Variants in ADAMTSL3 observed in about 807,000 individuals in gnomAD.
The protein encoded by ADAMTSL3 is ADAMTS-like protein 3.
A neutral mutation model predicts 201.7 loss-of-function variants in ADAMTSL3; 128 were observed. The ratio of observed to expected loss-of-function variants is 0.63; its 90% confidence interval spans 0.55 to 0.73. ADAMTSL3 has a LOEUF of 0.73. Among genes scored for constraint, ADAMTSL3 ranks in the 30% least tolerant of loss-of-function variants. The pLI, the probability that ADAMTSL3 is intolerant of heterozygous loss-of-function variation, is 0.00. For missense variants in ADAMTSL3, 1,990 were observed against 2,119.6 expected (o/e 0.94, Z 1.20); for synonymous variants, 738 against 748.4 (o/e 0.99, Z 0.23).
At chr15:83,898,633 A>G (rs2065664195) in intron 14 of ADAMTSL3, among the ~76,000 whole-genome samples, 1 of 152,190 alleles carries the variant, frequency 6.6e-6, no homozygotes, top group Non-Finnish European at 1.5e-5. Flanking sequence ...ATCCAGGGAT[A>G]GGAGGATTTG....
rs529673223 is a variant in ADAMTSL3 at position 84,036,818 on chromosome 15, T to C, written c.4800T>C (p.Cys1600=). 2.5e-6 allele frequency: 4 copies of C among 1,614,106 alleles called. No individual in the cohort carries two copies. The Admixed American group carries it at 6.7e-5, about 27-fold the overall frequency. Residue 1600 remains cysteine (C), a synonymous_variant, in exon 29 of 30, where the codon TGT becomes TGC. Transcript: ENST00000286744. The stretch of plus-strand genomic sequence containing the variant: ...GCACATCAGGGGCCTGTGATGTGTG[T>C]TGGCACACAGGCCCTTGGAAGCCCT... The part of the protein sequence containing the change: ...RNCTSGACDV[C]WHTGPWKPCT...
intron 5 of ADAMTSL3, among the ~76,000 whole-genome samples, chr15:83,819,010 C>A (rs896749491): frequency 6.6e-6 from 1 of 152,122 alleles, no homozygotes; most frequent in Non-Finnish European, 1.5e-5. Flanking sequence ...CTGTGGCTCA[C>A]GCCTTTAATC....
chr15:83,876,878 C>T lies in ADAMTSL3; in HGVS notation c.960+5919C>T, dbSNP rs189892838. ...CACGATCTCACCTCACTGCAACCTC[C>T]ACCTCATGGGTTCAAGCTATTCTCC... On this transcript the variant is annotated intron_variant, in intron 9 of 29. Transcript: ENST00000286744. Among the ~76,000 whole-genome samples, 542 of 152,284 alleles carry T rather than the reference C, an allele frequency of 3.6e-3. 3 individuals are homozygous for T. The highest frequency in any genetic ancestry group is 0.012 in the African/African-American group (517 of 41,562).
intron 17 of ADAMTSL3, among the ~76,000 whole-genome samples, chr15:83,935,836 C>T (rs2066450924): frequency 6.6e-6 from 1 of 151,924 alleles, no homozygotes; most frequent in Non-Finnish European, 1.5e-5. Flanking sequence ...ACAAAGTAGT[C>T]TTATAGTAAG....
At chr15:83,952,833 T>C (rs940615332) in intron 19 of ADAMTSL3, among the ~76,000 whole-genome samples, 16 of 151,738 alleles carry the variant, frequency 1.1e-4, no homozygotes, top group Non-Finnish European at 2.9e-5. Flanking sequence ...AAAAAAACAT[T>C]GTTATATCCC....
At chr15:83,741,219 T>C (rs954561014) in intron 3 of ADAMTSL3, among the ~76,000 whole-genome samples, 3 of 150,606 alleles carry the variant, frequency 2.0e-5, no homozygotes, top group Non-Finnish European at 3.0e-5. Flanking sequence ...ATATTAATTA[T>C]AATACACTAA....
At chr15:83,843,243 CT>C (rs142148204) in intron 7 of ADAMTSL3, among the ~76,000 whole-genome samples, 65 of 143,528 alleles carry the variant, frequency 4.5e-4, no homozygotes, top group African/African-American at 1.7e-3. Context: ...CTAAAATGTC[CT>C]TTTTTTTAAA....
At chr15:83,671,888 G>T (rs1486556155) in intron 2 of ADAMTSL3, among the ~76,000 whole-genome samples, 1 of 152,120 alleles carries the variant, frequency 6.6e-6, no homozygotes, top group Non-Finnish European at 1.5e-5. Flanking sequence ...CTAGCTGTTG[G>T]GTAAGATTAA....
At chr15:83,954,118 C>A (rs1282784550) in intron 19 of ADAMTSL3, among the ~76,000 whole-genome samples, 1 of 152,168 alleles carries the variant, frequency 6.6e-6, no homozygotes, top group Non-Finnish European at 1.5e-5. Flanking sequence ...AATAATTTTT[C>A]TACCCCTATC....
At chr15:83,747,048 T>A (rs2062558457) in intron 3 of ADAMTSL3, among the ~76,000 whole-genome samples, 1 of 152,218 alleles carries the variant, frequency 6.6e-6, no homozygotes, top group Non-Finnish European at 1.5e-5. Context: ...TACCTCTGTG[T>A]GGACATCGAG....
At chr15:83,865,158 G>T (rs2064948556) in intron 8 of ADAMTSL3, among the ~76,000 whole-genome samples, 2 of 152,300 alleles carry the variant, frequency 1.3e-5, no homozygotes, top group Admixed American at 6.5e-5. Flanking sequence ...TGGGTAGGAA[G>T]AATCAGTATC....
chr15:83,807,627 A>G (rs984207261), intron 5 of ADAMTSL3, among the ~76,000 whole-genome samples: 4 of 152,232 alleles, frequency 2.6e-5, no homozygotes, highest in Non-Finnish European at 5.9e-5. Context: ...AAGAAATCCT[A>G]AAACTTGTAT....
At chr15:83,830,970 T>C (rs1438218270) in intron 6 of ADAMTSL3, among the ~76,000 whole-genome samples, 1 of 152,018 alleles carries the variant, frequency 6.6e-6, no homozygotes, top group Non-Finnish European at 1.5e-5. Context: ...AGTGGGTGGG[T>C]GGGTGGAGTA....
chr15:83,723,134 A>G (rs1376651606), intron 3 of ADAMTSL3, among the ~76,000 whole-genome samples: 3 of 152,228 alleles, frequency 2.0e-5, no homozygotes, highest in Admixed American at 1.3e-4. Flanking sequence ...ATGAATAGGT[A>G]AAGGAAAATA....
At chr15:83,986,076 TGCACTCTCA>T (rs2067469395) in intron 21 of ADAMTSL3, among the ~76,000 whole-genome samples, 1 of 152,216 alleles carries the variant, frequency 6.6e-6, no homozygotes, top group African/African-American at 2.4e-5. Flanking sequence ...ACACTGCCTT[TGCACTCTCA>T]GTGCAAAGGT....
intron 2 of ADAMTSL3, among the ~76,000 whole-genome samples, chr15:83,700,476 G>T (rs980248895): frequency 5.3e-5 from 8 of 152,160 alleles, no homozygotes; most frequent in Non-Finnish European, 1.0e-4. Context: ...TTAAAATGAT[G>T]ATTCTGGCTG....
chr15:83,704,264 C>T (rs905406036), intron 2 of ADAMTSL3, 125 bp from the exon 3 acceptor site: 1 of 1,433,008 alleles, frequency 7.0e-7, no homozygotes, highest in Non-Finnish European at 9.5e-7. Flanking sequence ...AGAGAGGTCA[C>T]TTCCCTTTTT....
At chr15:83,871,054 AT>A in intron 9 of ADAMTSL3, 95 bp downstream of exon 9, 3 of 1,383,534 alleles carry the variant, frequency 2.2e-6, no homozygotes, top group Non-Finnish European at 3.0e-6. Context: ...GTCATCAATC[AT>A]TGTTTTTTAT....
rs545881691 is a variant in ADAMTSL3, at chr15:83,798,583, G to A, written c.318-6067G>A. Among the ~76,000 whole-genome samples, 9 of 152,046 alleles carry A rather than the reference G, an allele frequency of 5.9e-5. No homozygotes were observed. The South Asian group carries it at 8.3e-4, about 14-fold the overall frequency. ...AGCACTTTGGGAGGCCGAGGCGGGC[G>A]GATCACGAGGTCAGGAGTTCAAGAC... On this transcript the variant is annotated intron_variant, in intron 4 of 29. Transcript: ENST00000286744.
Sources: allele counts gnomAD v4.1 joint callset (sites outside exome capture counted in the v4.1 genomes callset), GRCh38; gene constraint gnomAD v4.1.1; transcripts MANE v1.5; gene names NCBI Gene and HGNC (gene_info 2026-07-23, HGNC 2026-07-21).